Variants in ABCC4 observed in about 807,000 individuals in gnomAD.
ABCC4 encodes ATP binding cassette subfamily C member 4 (PEL blood group).
ABCC4 carries 102 observed loss-of-function variants against 168.5 expected under a neutral mutation model. The observed-to-expected ratio is 0.61, with a 90% CI of 0.52 to 0.71. ABCC4 has a LOEUF of 0.71. Ranked by LOEUF, ABCC4 falls within the 30% of genes least tolerant of loss-of-function variation. The pLI is 0.00. For synonymous variants in ABCC4, 617 were observed against 590.7 expected (o/e 1.04, Z -0.65); for missense variants, 1,402 against 1,605.8 (o/e 0.87, Z 2.17).
chr13:95,196,660 G>A lies in ABCC4; in HGVS notation c.1162-1723C>T, dbSNP rs373200699. Among the ~76,000 whole-genome samples, 14 of 31,560 alleles carry A rather than the reference G, an allele frequency of 4.4e-4. 2 individuals carry two copies. The highest frequency in any genetic ancestry group is 6.4e-4 in the Non-Finnish European group (11 of 17,240). 20.7% of individuals were successfully genotyped at this position (31,560 alleles called of 152,430 possible). A position where few individuals can be genotyped will look rare whatever the true frequency, so the allele number is the denominator to read the frequency against. Reference sequence around the variant, plus strand: ...AGGAAGGAAGGAAGGAAGGAAGGAAGGAAGGAAGGAAGGAAGGAAGGAAGG... The same window carrying A: ...AGGAAGGAAGGAAGGAAGGAAGGAAAGAAGGAAGGAAGGAAGGAAGGAAGG... On this transcript the variant is annotated intron_variant, in intron 8 of 30. Transcript: ENST00000645237.
chr13:95,286,966 A>AT (rs1340549396), intron 1 of ABCC4, among the ~76,000 whole-genome samples: 13 of 150,386 alleles, frequency 8.6e-5, no homozygotes, highest in Non-Finnish European at 1.3e-4. Context: ...CAAAAAAAAA[A>AT]AAAAAAGAAA....
intron 19 of ABCC4, among the ~76,000 whole-genome samples, chr13:95,143,715 C>T (rs1449201956): frequency 1.3e-5 from 2 of 152,132 alleles, no homozygotes; most frequent in Non-Finnish European, 2.9e-5. Flanking sequence ...TCAGAGCTAG[C>T]ACTCTCCTAA....
intron 4 of ABCC4, among the ~76,000 whole-genome samples, chr13:95,216,608 CAAAAAAAA>C (rs199711816): frequency 8.0e-6 from 1 of 125,564 alleles, no homozygotes; most frequent in Admixed American, 8.0e-5. Flanking sequence ...AGGAAATTCA[CAAAAAAAA>C]AAAAAAAAAA....
intron 1 of ABCC4, among the ~76,000 whole-genome samples, chr13:95,258,882 T>C (rs2040457784): frequency 6.6e-6 from 1 of 152,192 alleles, no homozygotes; most frequent in Admixed American, 6.5e-5. Context: ...TACTTTCAGG[T>C]GTGGCAAATT....
chr13:95,163,056 T>C, intron 18 of ABCC4, 66 bp downstream of exon 18: 1 of 1,086,392 alleles, frequency 9.2e-7, no homozygotes, highest in African/African-American at 1.6e-5. Context: ...AAGCCCTAGT[T>C]ACTCACACAG....
At chr13:95,101,381 G>A (rs1283085730) in intron 20 of ABCC4, among the ~76,000 whole-genome samples, 2 of 151,554 alleles carry the variant, frequency 1.3e-5, no homozygotes, top group Non-Finnish European at 1.5e-5. Context: ...GATGAGGGGT[G>A]TGTAGGGAAG....
At chr13:95,279,723 G>A (rs1050051661) in intron 1 of ABCC4, among the ~76,000 whole-genome samples, 1 of 152,154 alleles carries the variant, frequency 6.6e-6, no homozygotes, top group South Asian at 2.1e-4. Context: ...ACCGGTAAAA[G>A]GGGCTGATTT....
At chr13:95,159,691 A>G (rs763329248) in intron 19 of ABCC4, among the ~76,000 whole-genome samples, 4 of 152,228 alleles carry the variant, frequency 2.6e-5, no homozygotes, top group Non-Finnish European at 4.4e-5. Context: ...GAGGTCCTCC[A>G]ATGACTTTCT....
chr13:95,051,156 T>A (rs1008514342), intron 27 of ABCC4, among the ~76,000 whole-genome samples: 3 of 152,170 alleles, frequency 2.0e-5, no homozygotes, highest in Non-Finnish European at 4.4e-5. Flanking sequence ...GGTGAAGTAA[T>A]CGACCTAATT....
rs137954909 is a variant in ABCC4 at position 95,256,874 on chromosome 13, T to C, written c.75-9121A>G. Among the ~76,000 whole-genome samples the C allele has an allele frequency of 3.3e-3, 506 of 152,314 alleles. 7 individuals carry two copies. The highest frequency in any genetic ancestry group is 0.011 in the African/African-American group (442 of 41,568). ...TCATCTCTCATAAGAGATGACATAG[T>C]TCTCTCTTGCTTCCAAGCTCAAATA... On this transcript the variant is annotated intron_variant, in intron 1 of 30. Transcript: ENST00000645237.
At chr13:95,097,433 C>CAG (rs150899714) in intron 20 of ABCC4, among the ~76,000 whole-genome samples, 8 of 150,384 alleles carry the variant, frequency 5.3e-5, no homozygotes, top group Non-Finnish European at 7.4e-5. Flanking sequence ...ACTGTAAATA[C>CAG]AGAGAGAGAG....
intron 30 of ABCC4, among the ~76,000 whole-genome samples, chr13:95,024,554 C>G (rs908812033): frequency 2.6e-5 from 4 of 152,174 alleles, no homozygotes; most frequent in Admixed American, 6.5e-5. Context: ...AGGAGAGCAA[C>G]TGGGCTTTGA....
chr13:95,254,357 T>C (rs1048300254), intron 1 of ABCC4, among the ~76,000 whole-genome samples: 1 of 151,878 alleles, frequency 6.6e-6, no homozygotes. Flanking sequence ...ATGGTCATAA[T>C]TTTGCTTAAA....
chr13:95,172,619 T>G (rs1483455286), intron 13 of ABCC4, among the ~76,000 whole-genome samples: 1 of 150,554 alleles, frequency 6.6e-6, no homozygotes, highest in Non-Finnish European at 1.5e-5. Context: ...CATACAATGT[T>G]GGAGGTGACA....
intron 4 of ABCC4, among the ~76,000 whole-genome samples, chr13:95,226,484 T>C (rs2039469631): frequency 1.3e-5 from 2 of 152,162 alleles, no homozygotes; most frequent in African/African-American, 4.8e-5. Context: ...TAATCTACAT[T>C]TTCTCCAACT....
At chr13:95,106,319 A>AG (rs2035001921) in intron 20 of ABCC4, among the ~76,000 whole-genome samples, 1 of 151,558 alleles carries the variant, frequency 6.6e-6, no homozygotes, top group East Asian at 2.0e-4. Flanking sequence ...TTGCTTCTTG[A>AG]GGGGTATGTG....
chr13:95,041,862 T>A (rs1203222586), intron 29 of ABCC4, among the ~76,000 whole-genome samples: 3 of 152,172 alleles, frequency 2.0e-5, no homozygotes, highest in African/African-American at 7.2e-5. Flanking sequence ...AGCTACAGAA[T>A]GCATGTCTCC....
chr13:95,025,187 ACCCACACCACACACC>A (rs2031353525), intron 30 of ABCC4, among the ~76,000 whole-genome samples: 1 of 117,330 alleles, frequency 8.5e-6, no homozygotes, highest in African/African-American at 3.6e-5. Flanking sequence ...ACCCACACAC[ACCCACACCACACACC>A]CCCACACCCC....
At chr13:95,130,482 G>T (rs1479959284) in intron 19 of ABCC4, among the ~76,000 whole-genome samples, 1 of 152,138 alleles carries the variant, frequency 6.6e-6, no homozygotes, top group East Asian at 1.9e-4. Flanking sequence ...GATATAAAAT[G>T]ATTTTGAGGG....
Sources: allele counts gnomAD v4.1 joint callset (sites outside exome capture counted in the v4.1 genomes callset), GRCh38; gene constraint gnomAD v4.1.1; transcripts MANE v1.5; gene names NCBI Gene and HGNC (gene_info 2026-07-23, HGNC 2026-07-21).